CMTM7: variants seen among roughly 807,000 people sequenced by gnomAD.
The protein encoded by CMTM7 is CKLF-like MARVEL transmembrane domain-containing protein 7.
A neutral mutation model predicts 19.3 loss-of-function variants in CMTM7; 7 were observed. The ratio of observed to expected loss-of-function variants is 0.36; its 90% CI spans 0.21 to 0.68. The LOEUF is 0.68. Ranked by LOEUF, CMTM7 falls within the 30% of genes least tolerant of loss-of-function variation. The probability of loss-of-function intolerance (pLI) is 0.60; values close to 1 mark genes in which losing one functional copy is unlikely to be tolerated. For missense variants in CMTM7, 193 were observed against 232.6 expected, an observed-to-expected ratio of 0.83 and a Z score of 1.11; for synonymous variants, 87 against 99.3, an observed-to-expected ratio of 0.88 and a Z score of 0.74.
chr3:32,432,163 ACTTT>A (rs1696529148), intron 1 of CMTM7, among the ~76,000 whole-genome samples: 1 of 152,028 alleles, frequency 6.6e-6, no homozygotes, highest in African/African-American at 2.4e-5. Context: ...CTTGGTTCTC[ACTTT>A]CTTTAGATCT....
At chr3:32,409,009 G>A (rs1402709261) in intron 1 of CMTM7, among the ~76,000 whole-genome samples, 4 of 151,938 alleles carry the variant, frequency 2.6e-5, no homozygotes, top group Non-Finnish European at 5.9e-5. Context: ...CACCTCCTGA[G>A]TAGCTGGGAC....
At chr3:32,442,498 C>CAAAAAAAAA (rs59568281) in intron 2 of CMTM7, among the ~76,000 whole-genome samples, 57 of 80,048 alleles carry the variant, frequency 7.1e-4, no homozygotes, top group African/African-American at 2.7e-3. Context: ...AGACTCCTCT[C>CAAAAAAAAA]AAAAAAAAAA....
chr3:32,451,057 GGGGACCGGGAT>G (rs1696822311), intron 3 of CMTM7: 1 of 152,146 alleles, frequency 6.6e-6, no homozygotes, highest in Non-Finnish European at 1.5e-5. Context: ...GCAGACAGTT[GGGGACCGGGAT>G]GGTATATAAC....
chr3:32,441,155 C>T (rs749786949), intron 1 of CMTM7, among the ~76,000 whole-genome samples: 21 of 152,226 alleles, frequency 1.4e-4, no homozygotes, highest in Non-Finnish European at 2.6e-4. Context: ...AGAACTGCAT[C>T]TGACATGGAG....
intron 1 of CMTM7, among the ~76,000 whole-genome samples, chr3:32,406,264 T>G (rs534320764): frequency 6.6e-6 from 1 of 152,366 alleles, no homozygotes; most frequent in South Asian, 2.1e-4. Flanking sequence ...GACAGCCGTT[T>G]AGGGTATTTC....
At chr3:32,445,346 T>C (rs773257471) in intron 2 of CMTM7, among the ~76,000 whole-genome samples, 3 of 152,162 alleles carry the variant, frequency 2.0e-5, no homozygotes, top group Admixed American at 1.3e-4. Flanking sequence ...TGGGTGTGAG[T>C]GTTTTGTAGA....
chr3:32,426,218 A>ACTC (rs1270516537), intron 1 of CMTM7, among the ~76,000 whole-genome samples: 1 of 152,166 alleles, frequency 6.6e-6, no homozygotes, highest in East Asian at 1.9e-4. Context: ...CCCTAACCTA[A>ACTC]AACCCTGAGT....
chr3:32,404,000 C>T (rs1031588123), intron 1 of CMTM7, among the ~76,000 whole-genome samples: 4 of 151,984 alleles, frequency 2.6e-5, no homozygotes, highest in African/African-American at 9.7e-5. Flanking sequence ...CATTACCCAA[C>T]GTTATTATTA....
chr3:32,419,850 G>A lies in CMTM7; in HGVS notation c.160-21990G>A, dbSNP rs148103641. On this transcript the variant is annotated intron_variant, in intron 1 of 4. Coordinates refer to ENST00000334983, the MANE Select transcript of CMTM7 (RefSeq NM_138410.4). ...TTGTTAATGACTCAACCCACTTTGC[G>A]TCCTTCCTTTTGAGATATTCATGTA... 2.8e-3 allele frequency among the ~76,000 whole-genome samples: 424 copies of A among 152,214 alleles called. 2 individuals are homozygous for A. Among genetic ancestry groups the A allele is most frequent in the African/African-American group, 9.1e-3 (379 of 41,534 alleles).
intron 1 of CMTM7, among the ~76,000 whole-genome samples, chr3:32,436,637 A>C (rs191503408): frequency 1.3e-5 from 2 of 152,252 alleles, no homozygotes; most frequent in East Asian, 1.9e-4. Flanking sequence ...CTGAAGTATC[A>C]TTCCAAGGTC....
chr3:32,430,215 C>T (rs73055078), intron 1 of CMTM7, among the ~76,000 whole-genome samples: 3 of 152,182 alleles, frequency 2.0e-5, no homozygotes, highest in African/African-American at 4.8e-5. Flanking sequence ...AAAGATCCCT[C>T]GTACTTGTTT....
chr3:32,452,015 A>T (rs1022693212), intron 3 of CMTM7: 6 of 1,202,060 alleles, frequency 5.0e-6, no homozygotes, highest in Non-Finnish European at 6.6e-6. Flanking sequence ...GAACGTTCAG[A>T]TTTTTTTAAC....
chr3:32,402,031 C>T (rs1696015691), intron 1 of CMTM7, among the ~76,000 whole-genome samples: 2 of 152,198 alleles, frequency 1.3e-5, no homozygotes, highest in Non-Finnish European at 2.9e-5. Flanking sequence ...GGGGCAGTCA[C>T]TCTCCTCCCT....
intron 1 of CMTM7, among the ~76,000 whole-genome samples, chr3:32,407,035 CA>C (rs1409812968): frequency 6.6e-6 from 1 of 152,228 alleles, no homozygotes; most frequent in African/African-American, 2.4e-5. Flanking sequence ...GATGGATGCA[CA>C]GACCTGGTGA....
intron 2 of CMTM7, among the ~76,000 whole-genome samples, chr3:32,446,802 G>T (rs571956060): frequency 1.3e-5 from 2 of 152,084 alleles, no homozygotes; most frequent in Non-Finnish European, 2.9e-5. Flanking sequence ...CTTCCTCTTG[G>T]CTGTGTGATG....
rs947273709 is a variant in CMTM7 at position 32,454,188 on chromosome 3, G to A, written c.515-53G>A. 2.6e-6 allele frequency: 4 copies of A among 1,553,384 alleles called. No homozygotes were observed. In the African/African-American group the frequency reaches 4.1e-5, roughly 16 times the overall value. ...GAGTCAAACCTGTGGAGTGTGGCTTGTGGGTGGGCCACATCCCTGGCAAGC... is the reference window on the plus strand; with the variant it reads ...GAGTCAAACCTGTGGAGTGTGGCTTATGGGTGGGCCACATCCCTGGCAAGC... On this transcript the variant is annotated intron_variant, in intron 4 of 4. Coordinates refer to ENST00000334983, the MANE Select transcript of CMTM7 (RefSeq NM_138410.4).
chr3:32,405,280 G>A (rs962084006), intron 1 of CMTM7, among the ~76,000 whole-genome samples: 29 of 152,230 alleles, frequency 1.9e-4, no homozygotes, highest in Admixed American at 1.3e-4. Flanking sequence ...GTAATTGGTT[G>A]TGCAGCAGTA....
rs1193476696 is a variant in CMTM7, at chr3:32,454,380, T to A, written c.*126T>A. On this transcript the variant is annotated 3_prime_UTR_variant, in exon 5 of 5. Transcript: ENST00000334983. ...AGGCTGGTGGGCACCAGGAAAGGCC[T>A]GCACCCTCTTCCTGCTCTCCCAGGA... is the stretch of plus-strand genomic sequence containing the variant. 1 of 1,152,176 alleles carries A rather than the reference T, an allele frequency of 8.7e-7. No homozygotes were observed. Among genetic ancestry groups the A allele is most frequent in the Non-Finnish European group, 1.3e-6 (1 of 777,236 alleles). 71.4% of individuals were successfully genotyped at this position (1,152,176 alleles called of 1,614,324 possible).
chr3:32,406,317 C>T (rs1405131017), intron 1 of CMTM7, among the ~76,000 whole-genome samples: 3 of 152,190 alleles, frequency 2.0e-5, no homozygotes, highest in South Asian at 2.1e-4. Flanking sequence ...TACTCTTGTA[C>T]ATATCATAGT....
Sources: gnomAD v4.1 joint callset for allele counts (sites outside exome capture counted in the v4.1 genomes callset) on GRCh38, gnomAD v4.1.1 for gene constraint, MANE v1.5 for transcripts, NCBI Gene and HGNC (gene_info 2026-07-23, HGNC 2026-07-21) for gene names.